Variants in TNN observed in about 807,000 individuals in gnomAD.
The protein encoded by TNN is tenascin N, also known as tenascin-N.
In TNN, 122 loss-of-function variants were observed where a neutral mutation model predicts 134.4. That is an observed-to-expected ratio of 0.91 (90% CI 0.78 to 1.06). TNN has a LOEUF of 1.06. Ranked by LOEUF, TNN falls within the 50% of genes least tolerant of loss-of-function variation. TNN has a pLI of 0.00. For synonymous variants in TNN, 710 were observed against 670.3 expected (o/e 1.06, Z -0.91); for missense variants, 1,739 against 1,699.4 (o/e 1.02, Z -0.41).
intron 15 of TNN, among the ~76,000 whole-genome samples, chr1:175,133,119 G>T (rs1220247387): frequency 1.3e-5 from 2 of 152,194 alleles, no homozygotes; most frequent in Non-Finnish European, 2.9e-5. Flanking sequence ...AGGTTAGCTA[G>T]GATGGCATTC....
Position 175,118,724 on chromosome 1 carries a change from T to C in TNN, c.2550T>C (p.Thr850=), listed in dbSNP as rs773952967. The part of the protein sequence containing the change: ...EVPVGKEQSS[T]VLTGLRPGME... Reference sequence around the variant, plus strand: ...CAGTGGGGAAGGAGCAGAGCAGCACTGTCCTGACGGGCCTGAGGCCGGGCA... The same window carrying C: ...CAGTGGGGAAGGAGCAGAGCAGCACCGTCCTGACGGGCCTGAGGCCGGGCA... The change falls in exon 11 of 19, where the codon ACT becomes ACC. Residue 850 remains threonine, a synonymous_variant. Transcript: ENST00000239462. The C allele has an allele frequency of 1.2e-6, 2 of 1,614,214 alleles. No individual in the cohort carries two copies. The highest frequency in any genetic ancestry group is 1.7e-6 in the Non-Finnish European group (2 of 1,180,040).
rs747233076 is a variant in TNN, at chr1:175,146,998, C to T, written c.3827C>T (p.Pro1276Leu). 1 of 1,606,654 alleles carries T rather than the reference C, an allele frequency of 6.2e-7. No individual in the cohort carries two copies. Among genetic ancestry groups the T allele is most frequent in the Admixed American group, 1.7e-5 (1 of 59,526 alleles). The change falls in exon 19 of 19, where the codon CCT becomes CTT. Residue 1276 changes from proline (P) to leucine (L), a missense_variant. Physicochemically the swap from Pro to Leu is moderately conservative, Grantham distance 98. Coordinates refer to ENST00000239462, the MANE Select transcript of TNN (RefSeq NM_022093.2). ...CCTTACGTGGAGTTGAAAATCCGCC[C>T]TCATGGCTACAGCAGGGAGCCTGTC... ...SIPYVELKIR[P>L]HGYSREPVLG...
chr1:175,120,502 G>C (rs531298739), intron 11 of TNN, among the ~76,000 whole-genome samples: 4 of 152,290 alleles, frequency 2.6e-5, no homozygotes, highest in Admixed American at 6.5e-5. Context: ...GGAGACCCAG[G>C]CTTCTTCTGT....
chr1:175,097,328 T>C (rs996482607), intron 7 of TNN, 89 bp from the exon 8 acceptor site: 3 of 1,508,766 alleles, frequency 2.0e-6, no homozygotes, highest in African/African-American at 2.8e-5. Context: ...TGACATTTGT[T>C]GAGGTTATCA....
In TNN at chr1:175,134,270, A is replaced by G. The variant is rs1434734424; in HGVS notation, c.3331-1575A>G. On this transcript the variant is annotated intron_variant, in intron 15 of 18. Transcript: ENST00000239462. ...CTCATGACCCATTCATAAAACCTGT[A>G]CTTGGCCAGGCGCAGTGGCTCACAC... 3.9e-5 allele frequency among the ~76,000 whole-genome samples: 6 copies of G among 152,262 alleles called. No homozygotes were observed. The East Asian group carries it at 1.2e-3, about 29-fold the overall frequency.
Position 175,085,433 on chromosome 1 carries a change from C to T in TNN, c.1263C>T (p.Ile421=). 1 of 1,613,018 alleles carries T rather than the reference C, an allele frequency of 6.2e-7. No individual in the cohort carries two copies. Among genetic ancestry groups the T allele is most frequent in the Middle Eastern group, 1.7e-4 (1 of 6,058 alleles). ...TGLHPGTEYK[I]TVVPMRGELE... ...TGCACCCGGGGACTGAGTATAAGAT[C>T]ACGGTGGTGCCCATGAGAGGAGAGC... is the stretch of plus-strand genomic sequence containing the variant. Residue 421 remains isoleucine (I), a synonymous_variant, in exon 6 of 19, where the codon ATC becomes ATT. Coordinates refer to ENST00000239462, the MANE Select transcript of TNN (RefSeq NM_022093.2).
At chr1:175,126,890 T>C in intron 12 of TNN, 65 bp from the exon 13 acceptor site, 2 of 1,524,670 alleles carry the variant, frequency 1.3e-6, no homozygotes, top group South Asian at 1.3e-5. Context: ...TAAACTGATG[T>C]CTCAAAAATT....
At position 175,126,809 on chromosome 1, in the gene TNN, A is replaced by G; in HGVS notation, c.2915-146A>G. The G allele has an allele frequency of 7.4e-6, 6 of 807,046 alleles. No homozygotes were observed. The Middle Eastern group carries it at 1.7e-3, about 226-fold the overall frequency. 50.0% of individuals were successfully genotyped at this position (807,046 alleles called of 1,614,324 possible). On this transcript the variant is annotated intron_variant, in intron 12 of 18. Transcript: ENST00000239462. ...ACAAAGGTCAGAAAGGCCCTGTGGC[A>G]GGGAGGAAGAGAGCCTGCAAACTGC...
intron 4 of TNN, among the ~76,000 whole-genome samples, chr1:175,081,942 G>A (rs1342647194): frequency 6.6e-6 from 1 of 152,194 alleles, no homozygotes; most frequent in African/African-American, 2.4e-5. Flanking sequence ...AGGAGAGTGG[G>A]TGTTCAGCTA....
chr1:175,077,678 G>A lies in TNN; in HGVS notation c.260G>A (p.Arg87Lys). The stretch of plus-strand genomic sequence containing the variant: ...AGGGAGGAACAGAACATCATCTTCA[G>A]GCACAACATCCGCCTTCAGACGCCA... ...EAREEQNIIF[R>K]HNIRLQTPQK... Residue 87 changes from arginine to lysine, a missense_variant, in exon 2 of 19, where the codon AGG becomes AAG. Coordinates refer to ENST00000239462, the MANE Select transcript of TNN (RefSeq NM_022093.2). 1.2e-6 allele frequency: 2 copies of A among 1,614,222 alleles called. No homozygotes were observed. The highest frequency in any genetic ancestry group is 1.7e-6 in the Non-Finnish European group (2 of 1,180,042).
At chr1:175,120,665 C>T (rs545425316) in intron 11 of TNN, among the ~76,000 whole-genome samples, 2 of 152,346 alleles carry the variant, frequency 1.3e-5, no homozygotes, top group East Asian at 3.9e-4. Flanking sequence ...TGCCAGGTCC[C>T]AGACAGACCT....
intron 1 of TNN, among the ~76,000 whole-genome samples, chr1:175,070,168 G>T (rs752607973): frequency 1.4e-4 from 21 of 152,194 alleles, no homozygotes; most frequent in Non-Finnish European, 1.5e-5. Context: ...TTCATTCTCT[G>T]GGGGTAAATG....
chr1:175,095,316 TG>T (rs1011792033), intron 7 of TNN, among the ~76,000 whole-genome samples: 30 of 152,214 alleles, frequency 2.0e-4, no homozygotes, highest in African/African-American at 6.5e-4. Context: ...TTTTTGGCTT[TG>T]GGGGTCCAAC....
intron 1 of TNN, among the ~76,000 whole-genome samples, chr1:175,068,848 C>T (rs533223389): frequency 5.9e-5 from 9 of 152,098 alleles, no homozygotes; most frequent in South Asian, 4.1e-4. Flanking sequence ...GTGGAGGTTG[C>T]GGTGAGCCGA....
intron 16 of TNN, 89 bp from the exon 17 acceptor site, chr1:175,136,732 T>C (rs1675820621): frequency 2.4e-6 from 3 of 1,265,328 alleles, no homozygotes; most frequent in Admixed American, 2.3e-5. Context: ...AAAGTGACTT[T>C]AGGTTCTGAA....
chr1:175,113,411 G>C (rs1675088066), intron 9 of TNN, among the ~76,000 whole-genome samples: 1 of 152,076 alleles, frequency 6.6e-6, no homozygotes, highest in South Asian at 2.1e-4. Context: ...TAAGATTTCT[G>C]CTGAGAATTT....
intron 15 of TNN, among the ~76,000 whole-genome samples, chr1:175,135,106 AT>A (rs1675765526): frequency 1.3e-5 from 2 of 152,122 alleles, no homozygotes; most frequent in Admixed American, 1.3e-4. Flanking sequence ...CAGCTCAGCC[AT>A]GTCCTGGGGG....
In TNN at chr1:175,067,878, G is replaced by T. The variant is rs754397663; in HGVS notation, c.-93G>T. 2.0e-6 allele frequency: 1 copy of T among 501,348 alleles called. No individual in the cohort carries two copies. The highest frequency in any genetic ancestry group is 5.7e-5 in the East Asian group (1 of 17,464). The allele number at this position is 501,348 out of a possible 1,614,324, so 31.1% of individuals were successfully genotyped here. A position where few individuals can be genotyped will look rare whatever the true frequency, so the allele number is the denominator to read the frequency against. ...CCAGCAAGTACCAAGGTCTGCGGCA[G>T]GAGGAGACCGGCTCACAGGAGCAGC... On this transcript the variant is annotated 5_prime_UTR_variant, in exon 1 of 19. In the 5' UTR this introduces an upstream ATG that the reference lacks. Coordinates refer to ENST00000239462, the MANE Select transcript of TNN (RefSeq NM_022093.2).
intron 2 of TNN, among the ~76,000 whole-genome samples, chr1:175,078,098 A>C (rs187209578): frequency 1.8e-4 from 27 of 152,360 alleles, no homozygotes; most frequent in African/African-American, 6.0e-4. Context: ...GAATGCTTCC[A>C]GGAGCCGTCA....
Sources: allele counts gnomAD v4.1 joint callset (sites outside exome capture counted in the v4.1 genomes callset), GRCh38; gene constraint gnomAD v4.1.1; transcripts MANE v1.5; gene names NCBI Gene and HGNC (gene_info 2026-07-23, HGNC 2026-07-21).